The following MUC5AC variants were observed in gnomAD, a reference collection of about 807,000 sequenced individuals.
MUC5AC encodes mucin-5AC.
Under a neutral mutation model 169.7 loss-of-function variants are expected in MUC5AC, and 158 were observed. The observed-to-expected ratio is 0.93, with a 90% CI of 0.82 to 1.06. The LOEUF (loss-of-function observed/expected upper bound fraction) is 1.06, where lower values mean the gene tolerates loss of function less well. Ranked by LOEUF, MUC5AC falls within the 50% of genes least tolerant of loss-of-function variation. The pLI is 0.00. For synonymous variants in MUC5AC, 1,975 were observed against 1,237.0 expected (o/e 1.60, Z -12.52); for missense variants, 4,359 against 3,089.9 (o/e 1.41, Z -9.74).
At position 1,184,627 on chromosome 11, in the gene MUC5AC, C is replaced by T; in HGVS notation, c.6482C>T (p.Thr2161Ile). 2 of 637,564 alleles carry T rather than the reference C, an allele frequency of 3.1e-6. No homozygotes were observed. Among genetic ancestry groups the T allele is most frequent in the Admixed American group, 2.6e-5 (1 of 39,020 alleles). 39.5% of individuals were successfully genotyped at this position (637,564 alleles called of 1,614,324 possible). A position where few individuals can be genotyped will look rare whatever the true frequency, so the allele number is the denominator to read the frequency against. The change falls in exon 31 of 49, where the codon ACC becomes ATC. Residue 2161 changes from threonine to isoleucine, a missense_variant. Physicochemically the swap from Thr to Ile is moderately conservative, Grantham distance 89 (BLOSUM62 -1). Transcript: ENST00000621226. ...EKICRRPEEI[T>I]RLQCRAKSHP... ...ATCTGCCGCCGACCTGAGGAGATCACCAGGCTCCAGTGCCGAGCCAAGAGC... is the reference window on the plus strand; with the variant it reads ...ATCTGCCGCCGACCTGAGGAGATCATCAGGCTCCAGTGCCGAGCCAAGAGC...
chr11:1,181,814 C>A (rs955477357), intron 30 of MUC5AC, among the ~76,000 whole-genome samples: 1 of 152,112 alleles, frequency 6.6e-6, no homozygotes, highest in Non-Finnish European at 1.5e-5. Flanking sequence ...GGCTCAGGTA[C>A]CCCCATGTCC....
At position 1,186,646 on chromosome 11, in the gene MUC5AC, C is replaced by G. The variant is rs1475121088; in HGVS notation, c.8501C>G (p.Thr2834Ser). Residue 2834 changes from threonine to serine, a missense_variant, in exon 31 of 49, where the codon ACT (threonine) becomes AGT (serine). By Grantham distance (58) the Thr-to-Ser change is moderately conservative. Coordinates refer to ENST00000621226, the MANE Select transcript of MUC5AC (RefSeq NM_001304359.2). ...PTTSTTSGPG[T>S]TSSPVPTTST... ...ACCAGCACAACTTCTGGTCCTGGAACTACTTCAAGCCCTGTTCCCACCACC... is the reference window on the plus strand; with the variant it reads ...ACCAGCACAACTTCTGGTCCTGGAAGTACTTCAAGCCCTGTTCCCACCACC... 2.7e-6 allele frequency: 2 copies of G among 735,832 alleles called. No individual in the cohort carries two copies. The highest frequency in any genetic ancestry group is 2.5e-6 in the Non-Finnish European group (1 of 403,242). 45.6% of individuals were successfully genotyped at this position (735,832 alleles called of 1,614,324 possible).
At chr11:1,160,994 T>TTGGTGTCCCCCCC (rs1184411669) in intron 2 of MUC5AC, among the ~76,000 whole-genome samples, 6 of 152,166 alleles carry the variant, frequency 3.9e-5, no homozygotes, top group African/African-American at 1.4e-4. Context: ...GGGTCCTGCC[T>TTGGTGTCCCCCCC]TGGTGTCCCC....
chr11:1,165,544 C>T (rs370335175), intron 10 of MUC5AC, 78 bp from the exon 11 acceptor site: 25 of 1,593,330 alleles, frequency 1.6e-5, no homozygotes, highest in Middle Eastern at 3.6e-4. Flanking sequence ...GGGTGAGACC[C>T]GGTCAGCCTC....
chr11:1,190,368 A>G lies in MUC5AC; in HGVS notation c.12223A>G (p.Thr4075Ala), dbSNP rs1861057196. 5 of 652,436 alleles carry G rather than the reference A, an allele frequency of 7.7e-6. No homozygotes were observed. The highest frequency in any genetic ancestry group is 8.3e-6 in the Non-Finnish European group (3 of 360,628). The allele number at this position is 652,436 out of a possible 1,614,324, so 40.4% of individuals were successfully genotyped here. A position where few individuals can be genotyped will look rare whatever the true frequency, so the allele number is the denominator to read the frequency against. ...TAPSTPSGRA[T>A]SPTQSTSSWQ... ...TCCTAGCACCCCTAGTGGGAGAGCC[A>G]CCAGCCCAACTCAGAGCACTTCCTC... The change falls in exon 31 of 49, where the codon ACC (threonine) becomes GCC (alanine). Residue 4075 changes from threonine (T) to alanine (A), a missense_variant. Coordinates refer to ENST00000621226, the MANE Select transcript of MUC5AC (RefSeq NM_001304359.2).
At chr11:1,170,945 A>C (rs1860496600) in intron 15 of MUC5AC, among the ~76,000 whole-genome samples, 2 of 54,438 alleles carry the variant, frequency 3.7e-5, no homozygotes, top group East Asian at 8.9e-4. Flanking sequence ...CCATTCACCC[A>C]CTCACCTACT....
rs528244691 is a variant in MUC5AC at position 1,200,277 on chromosome 11, C to T, written c.16701-161C>T. On this transcript the variant is annotated intron_variant, in intron 48 of 48. Coordinates refer to ENST00000621226, the MANE Select transcript of MUC5AC (RefSeq NM_001304359.2). Reference sequence around the variant, plus strand: ...GGGTCGGCCCTGGTGGGACTGTTGGCGCCTGGGGAACTGGCAAAGGAGAGC... The same window carrying T: ...GGGTCGGCCCTGGTGGGACTGTTGGTGCCTGGGGAACTGGCAAAGGAGAGC... 4.6e-5 allele frequency among the ~76,000 whole-genome samples: 7 copies of T among 152,326 alleles called. No homozygotes were observed. In the East Asian group the frequency reaches 5.8e-4, roughly 13 times the overall value.
chr11:1,200,411 C>A (rs1041420928), intron 48 of MUC5AC, 27 bp from the exon 49 acceptor site: 2 of 661,636 alleles, frequency 3.0e-6, no homozygotes, highest in African/African-American at 3.5e-5. Flanking sequence ...GGCGCAGCAG[C>A]TGGTGCTGAG....
Position 1,175,358 on chromosome 11 carries a change from ACAAGTCAG to A in MUC5AC, c.2401+90_2401+97del. The A allele has an allele frequency of 7.5e-6, 3 of 398,382 alleles. No individual in the cohort carries two copies. In the East Asian group the frequency reaches 1.1e-4, roughly 14 times the overall value. The allele number at this position is 398,382 out of a possible 1,614,324, so 24.7% of individuals were successfully genotyped here. On this transcript the variant is annotated intron_variant, in intron 19 of 48. Transcript: ENST00000621226. ...AAATGGCTTCAGGGTTAGCCCCACC[ACAAGTCAG>A]CGGGGCTGGTGGTTGTCCATCAGCT...
intron 7 of MUC5AC, 41 bp downstream of exon 7, chr11:1,164,032 G>A: frequency 1.2e-6 from 2 of 1,609,460 alleles, no homozygotes; most frequent in South Asian, 2.2e-5. Context: ...AGGTTGAGCA[G>A]GAGGGGTTGT....
At chr11:1,181,753 C>T (rs1455587962) in intron 30 of MUC5AC, among the ~76,000 whole-genome samples, 1 of 152,196 alleles carries the variant, frequency 6.6e-6, no homozygotes, top group Non-Finnish European at 1.5e-5. Flanking sequence ...GGTCTGGCAG[C>T]CCAGGCTGGC....
At chr11:1,179,391 G>C in intron 26 of MUC5AC, 143 bp downstream of exon 26, 1 of 473,188 alleles carries the variant, frequency 2.1e-6, no homozygotes, top group East Asian at 3.2e-5. Context: ...AGAGAGGAGG[G>C]CGTGGCTGAC....
intron 2 of MUC5AC, among the ~76,000 whole-genome samples, chr11:1,160,891 G>A (rs1309335499): frequency 6.6e-6 from 1 of 152,232 alleles, no homozygotes; most frequent in African/African-American, 2.4e-5. Flanking sequence ...CCAGCCCCCT[G>A]CAGCGCTTAG....
chr11:1,175,837 G>GCACCCACACCCACTTATGCAA (rs1860667685), intron 19 of MUC5AC, among the ~76,000 whole-genome samples: 7 of 91,360 alleles, frequency 7.7e-5, no homozygotes, highest in African/African-American at 1.5e-4. Context: ...TCATGCACAC[G>GCACCCACACCCACTTATGCAA]CACTCACACA....
chr11:1,199,655 C>T (rs533311665), intron 46 of MUC5AC, 40 bp from the exon 47 acceptor site: 11 of 701,594 alleles, frequency 1.6e-5, no homozygotes, highest in Middle Eastern at 2.6e-4. Flanking sequence ...TGGGGGCCGC[C>T]GAGCGCCTCG....
Position 1,200,924 on chromosome 11 carries a change from C to T in MUC5AC, c.*222C>T, listed in dbSNP as rs950458851. 28 of 430,658 alleles carry T rather than the reference C, an allele frequency of 6.5e-5. No homozygotes were observed. Among genetic ancestry groups the T allele is most frequent in the African/African-American group, 2.0e-4 (10 of 50,822 alleles). 26.7% of individuals were successfully genotyped at this position (430,658 alleles called of 1,614,324 possible). ...TGCAGCCACCTCTCAGGACCAGCCCCGGGGCTGGCCGAGCTCCTCTGGCCA... is the reference window on the plus strand; with the variant it reads ...TGCAGCCACCTCTCAGGACCAGCCCTGGGGCTGGCCGAGCTCCTCTGGCCA... On this transcript the variant is annotated 3_prime_UTR_variant, in exon 49 of 49. Transcript: ENST00000621226.
rs745726955 is a variant in MUC5AC, at chr11:1,163,965, C to T, written c.763C>T (p.Pro255Ser). ...CCAGTGTCAGGACCCTGTCCCTGAACCCCCGAGGAACTGCTCCACTGGCTT... is the reference window on the plus strand; with the variant it reads ...CCAGTGTCAGGACCCTGTCCCTGAATCCCCGAGGAACTGCTCCACTGGCTT... ...TDQCQDPVPE[P>S]PRNCSTGFGI... Residue 255 changes from proline (P) to serine (S), a missense_variant, in exon 7 of 49, where the codon CCC (proline) becomes TCC (serine). Physicochemically the swap from Pro to Ser is moderately conservative, Grantham distance 74. Coordinates refer to ENST00000621226, the MANE Select transcript of MUC5AC (RefSeq NM_001304359.2). 9.3e-6 allele frequency: 15 copies of T among 1,610,764 alleles called. No individual in the cohort carries two copies. The highest frequency in any genetic ancestry group is 6.7e-5 in the Admixed American group (4 of 59,784).
At position 1,182,418 on chromosome 11, in the gene MUC5AC, A is replaced by G. The variant is rs1349482824; in HGVS notation, c.4273A>G (p.Arg1425Gly). 5.0e-6 allele frequency: 2 copies of G among 398,460 alleles called. No homozygotes were observed. Among genetic ancestry groups the G allele is most frequent in the African/African-American group, 4.1e-5 (2 of 48,636 alleles). 24.7% of individuals were successfully genotyped at this position (398,460 alleles called of 1,614,324 possible). ...TGGGTACCGGGTGTGCGAATCACCCAGGTCGGTGGAGTGCCGAGCTGAGGA... is the reference window on the plus strand; with the variant it reads ...TGGGTACCGGGTGTGCGAATCACCCGGGTCGGTGGAGTGCCGAGCTGAGGA... Reference protein sequence around the residue: ...AHGYRVCESPRSVECRAEDAP... With the variant: ...AHGYRVCESPGSVECRAEDAP... The change falls in exon 31 of 49, where the codon AGG becomes GGG. Residue 1425 changes from arginine (R) to glycine (G), a missense_variant. By Grantham distance (125) the Arg-to-Gly change is moderately radical. Transcript: ENST00000621226.
intron 6 of MUC5AC, among the ~76,000 whole-genome samples, chr11:1,163,388 G>A (rs1490886253): frequency 1.3e-5 from 2 of 152,152 alleles, no homozygotes; most frequent in Non-Finnish European, 2.9e-5. Context: ...AATGTGACCT[G>A]CACCAGCCAA....
Sources: gnomAD v4.1 joint callset for allele counts (sites outside exome capture counted in the v4.1 genomes callset) on GRCh38, gnomAD v4.1.1 for gene constraint, MANE v1.5 for transcripts, NCBI Gene and HGNC (gene_info 2026-07-23, HGNC 2026-07-21) for gene names.